Variants in BCAT1 observed in about 807,000 individuals in gnomAD.
The protein encoded by BCAT1 is branched-chain-amino-acid aminotransferase, cytosolic.
In BCAT1, 48 loss-of-function variants were observed where a neutral mutation model predicts 52.4. The ratio of observed to expected loss-of-function variants is 0.92; its 90% CI spans 0.73 to 1.16. BCAT1 has a LOEUF of 1.16. Among genes scored for constraint, BCAT1 ranks in the 50% most tolerant of loss-of-function variants. The probability of loss-of-function intolerance (pLI) is 0.00; values close to 1 mark genes in which losing one functional copy is unlikely to be tolerated. For synonymous variants in BCAT1, 167 were observed against 161.3 expected, an observed-to-expected ratio of 1.04 and a Z score of -0.27; for missense variants, 451 against 457.1, an observed-to-expected ratio of 0.99 and a Z score of 0.12.
At chr12:24,824,332 A>G (rs1378235836) in intron 10 of BCAT1, among the ~76,000 whole-genome samples, 1 of 144,858 alleles carries the variant, frequency 6.9e-6, no homozygotes, top group Non-Finnish European at 1.5e-5. Context: ...CTCTTTCTAC[A>G]GTGAAGGCTG....
intron 7 of BCAT1, among the ~76,000 whole-genome samples, chr12:24,839,322 C>G (rs1477233404): frequency 6.6e-6 from 1 of 152,132 alleles, no homozygotes; most frequent in Admixed American, 6.5e-5. Context: ...TGCTCCAAGT[C>G]GAGTCCGTAT....
chr12:24,887,851 T>C (rs1267510658), intron 3 of BCAT1, among the ~76,000 whole-genome samples: 1 of 152,220 alleles, frequency 6.6e-6, no homozygotes, highest in East Asian at 1.9e-4. Flanking sequence ...TCAAATATTA[T>C]CACTATTTGA....
chr12:24,920,122 A>G (rs559740309), intron 1 of BCAT1, among the ~76,000 whole-genome samples: 1 of 152,338 alleles, frequency 6.6e-6, no homozygotes, highest in South Asian at 2.1e-4. Context: ...TATTAATAAT[A>G]GAGTTTTATG....
chr12:24,832,716 G>A lies in BCAT1; in HGVS notation c.1044+7C>T. The A allele has an allele frequency of 6.3e-7, 1 of 1,599,548 alleles. No homozygotes were observed. The highest frequency in any genetic ancestry group is 8.5e-7 in the Non-Finnish European group (1 of 1,173,546). ...AATGATAGGAAATGAGGAAATACTT[G>A]TCGTACCTCGCCTTTGTACAGTATA... On this transcript the variant is annotated splice_region_variant and intron_variant, in intron 9 of 10. Coordinates refer to ENST00000261192, the MANE Select transcript of BCAT1 (RefSeq NM_005504.7).
chr12:24,888,203 G>GT (rs1436243733), intron 3 of BCAT1, among the ~76,000 whole-genome samples: 1 of 151,928 alleles, frequency 6.6e-6, no homozygotes, highest in African/African-American at 2.4e-5. Context: ...CCATGTGGGG[G>GT]TTAAAAAAAA....
At chr12:24,885,820 G>T (rs1171768889) in intron 3 of BCAT1, among the ~76,000 whole-genome samples, 1 of 151,966 alleles carries the variant, frequency 6.6e-6, no homozygotes, top group Non-Finnish European at 1.5e-5. Flanking sequence ...GGGAAAACTG[G>T]GTATACATAG....
At chr12:24,903,360 C>T in intron 1 of BCAT1, 1 of 212,604 alleles carries the variant, frequency 4.7e-6, no homozygotes, top group East Asian at 1.0e-4. Flanking sequence ...CCGGGAAGCG[C>T]CCCTCGGTCA....
intron 1 of BCAT1, among the ~76,000 whole-genome samples, chr12:24,916,984 A>AT (rs945894526): frequency 4.6e-4 from 70 of 152,340 alleles, no homozygotes; most frequent in Middle Eastern, 3.4e-3. Flanking sequence ...CTTTACCCCA[A>AT]TGCTGTAAGC....
chr12:24,891,993 G>A (rs558960477), intron 3 of BCAT1, among the ~76,000 whole-genome samples: 3 of 151,506 alleles, frequency 2.0e-5, no homozygotes, highest in South Asian at 2.1e-4. Flanking sequence ...TCCTGACCTC[G>A]TGATCCGCCC....
intron 7 of BCAT1, 96 bp downstream of exon 7, chr12:24,841,986 G>A: frequency 7.2e-7 from 1 of 1,380,490 alleles, no homozygotes; most frequent in Non-Finnish European, 9.9e-7. Flanking sequence ...TTGGAACTGT[G>A]CTACTTACTC....
intron 5 of BCAT1, among the ~76,000 whole-genome samples, chr12:24,868,995 A>T (rs1278426451): frequency 6.6e-6 from 1 of 152,260 alleles, no homozygotes; most frequent in Non-Finnish European, 1.5e-5. Context: ...AATTAAAAAG[A>T]CAAAAGACTT....
chr12:24,925,925 G>C (rs537798014), intron 1 of BCAT1, among the ~76,000 whole-genome samples: 119 of 152,316 alleles, frequency 7.8e-4, no homozygotes, highest in African/African-American at 2.5e-3. Flanking sequence ...GTAGTGGCGT[G>C]ATCTCGGCTC....
At chr12:24,949,155 A>C (rs1943984740), upstream of BCAT1, 1 of 582,902 alleles carries the variant, frequency 1.7e-6, no homozygotes, top group African/African-American at 1.9e-5. Context: ...CATCAGCAGG[A>C]AGACACTAAG....
rs112458468 is a variant in BCAT1 at position 24,936,712 on chromosome 12, A to ATCTCTCTCTCTCTCTCTCTCTC, written c.6+12214_6+12215insGAGAGAGAGAGAGAGAGAGAGA. Reference sequence around the variant, plus strand: ...AAGTAATGGAGCTCTTTAAATCTCAATCTCTCTCTCTCACACACACACACA... The same window carrying ATCTCTCTCTCTCTCTCTCTCTC: ...AAGTAATGGAGCTCTTTAAATCTCAATCTCTCTCTCTCTCTCTCTCTCTCTCTCTCTCTCACACACACACACA... On this transcript the variant is annotated intron_variant, in intron 1 of 10. Coordinates refer to ENST00000261192, the MANE Select transcript of BCAT1 (RefSeq NM_005504.7). Among the ~76,000 whole-genome samples the ATCTCTCTCTCTCTCTCTCTCTC allele has an allele frequency of 1.4e-3, 159 of 112,034 alleles. 3 individuals carry two copies. Among genetic ancestry groups the ATCTCTCTCTCTCTCTCTCTCTC allele is most frequent in the Middle Eastern group, 6.0e-3 (1 of 168 alleles). The allele number at this position is 112,034 out of a possible 152,430, so 73.5% of individuals were successfully genotyped here.
chr12:24,902,877 C>T (rs1406673936), intron 1 of BCAT1: 2 of 1,509,886 alleles, frequency 1.3e-6, no homozygotes, highest in Admixed American at 2.0e-5. Flanking sequence ...GGCGCCCGGC[C>T]AGGCCCGCGA....
intron 1 of BCAT1, among the ~76,000 whole-genome samples, chr12:24,927,027 A>T (rs1265004339): frequency 6.6e-6 from 1 of 152,188 alleles, no homozygotes; most frequent in Non-Finnish European, 1.5e-5. Context: ...GAATAATTTT[A>T]AAAAACACAT....
chr12:24,916,454 C>G (rs112720080), intron 1 of BCAT1, among the ~76,000 whole-genome samples: 46 of 152,312 alleles, frequency 3.0e-4, no homozygotes, highest in African/African-American at 1.1e-3. Context: ...ACATTCCAGT[C>G]AAAGCCTTGG....
At chr12:24,909,198 G>T (rs1035360712) in intron 1 of BCAT1, among the ~76,000 whole-genome samples, 3 of 151,766 alleles carry the variant, frequency 2.0e-5, no homozygotes, top group Non-Finnish European at 2.9e-5. Flanking sequence ...AAAAAATAAG[G>T]CCCAGTTTGG....
chr12:24,917,888 C>T (rs184461723), intron 1 of BCAT1, among the ~76,000 whole-genome samples: 3 of 152,292 alleles, frequency 2.0e-5, no homozygotes, highest in Admixed American at 2.0e-4. Flanking sequence ...AACAAGCTGC[C>T]ATCTCAAGAA....
Sources: allele counts gnomAD v4.1 joint callset (sites outside exome capture counted in the v4.1 genomes callset), GRCh38; gene constraint gnomAD v4.1.1; transcripts MANE v1.5; gene names NCBI Gene and HGNC (gene_info 2026-07-23, HGNC 2026-07-21).